Variants in DSC1 observed in about 807,000 individuals in gnomAD.
DSC1 encodes desmocollin 1.
In DSC1, 79 loss-of-function variants were observed where a neutral mutation model predicts 98.8. The ratio of observed to expected loss-of-function variants is 0.80; its 90% confidence interval spans 0.67 to 0.96. The LOEUF is 0.96. Ranked by LOEUF, DSC1 falls within the 50% of genes least tolerant of loss-of-function variation. The probability of loss-of-function intolerance (pLI) is 0.00; values close to 1 mark genes in which losing one functional copy is unlikely to be tolerated. For missense variants in DSC1, 1,115 were observed against 1,075.9 expected (o/e 1.04, Z -0.51); for synonymous variants, 405 against 372.1 (o/e 1.09, Z -1.02).
rs371108741 is a variant in DSC1, at chr18:31,143,735, G to A, written c.996C>T (p.Phe332=). ...MEVRDMGGQP[F]GLFNTGTITI... is the part of the protein sequence containing the mutation. The stretch of plus-strand genomic sequence containing the variant: ...TAATTGTTCCTGTATTAAATAAACC[G>A]AAAGGCTGACCACCCATGTCTCGCA... Residue 332 remains phenylalanine (F), a synonymous_variant, in exon 8 of 16, where the codon TTC becomes TTT. Coordinates refer to ENST00000257198, the MANE Select transcript of DSC1 (RefSeq NM_024421.2). The A allele has an allele frequency of 1.2e-5, 20 of 1,602,784 alleles. No homozygotes were observed. The highest frequency in any genetic ancestry group is 6.8e-5 in the East Asian group (3 of 44,378).
intron 14 of DSC1, 62 bp from the exon 15 acceptor site, chr18:31,131,904 AT>A (rs1055891349): frequency 4.8e-5 from 76 of 1,576,412 alleles, no homozygotes; most frequent in South Asian, 5.8e-5. Context: ...ATTCATTTTC[AT>A]TTTTTTTCAC....
intron 7 of DSC1, 109 bp downstream of exon 7, chr18:31,145,502 A>G: frequency 1.6e-6 from 2 of 1,245,688 alleles, no homozygotes; most frequent in Non-Finnish European, 2.3e-6. Flanking sequence ...CAGCCTACAG[A>G]AGCATGCTGA....
intron 14 of DSC1, 61 bp from the exon 15 acceptor site, chr18:31,131,903 C>T (rs1988501385): frequency 1.3e-6 from 2 of 1,576,830 alleles, no homozygotes; most frequent in Non-Finnish European, 1.7e-6. Flanking sequence ...AATTCATTTT[C>T]ATTTTTTTTC....
chr18:31,157,365 TTA>T lies in DSC1; in HGVS notation c.351+4_351+5del. ...GTGCTAGGCTGCTTAAGCCCTTGCC[TTA>T]TACCTTGTTTTCTCTTGCTGACAGT... is the stretch of plus-strand genomic sequence containing the variant. On this transcript the variant is annotated splice_donor_5th_base_variant and intron_variant, in intron 3 of 15. Transcript: ENST00000257198. The T allele has an allele frequency of 3.1e-6, 5 of 1,614,036 alleles. No homozygotes were observed. Among genetic ancestry groups the T allele is most frequent in the Non-Finnish European group, 4.2e-6 (5 of 1,179,912 alleles).
intron 11 of DSC1, among the ~76,000 whole-genome samples, chr18:31,138,825 G>A (rs1405192323): frequency 1.3e-5 from 2 of 151,794 alleles, no homozygotes; most frequent in African/African-American, 4.8e-5. Context: ...AAAAAGAGTG[G>A]AAACCTTCTT....
At chr18:31,139,324 A>G (rs1988679723) in intron 11 of DSC1, among the ~76,000 whole-genome samples, 1 of 152,142 alleles carries the variant, frequency 6.6e-6, no homozygotes, top group Non-Finnish European at 1.5e-5. Flanking sequence ...GCTCAGAACA[A>G]ACTTACTTTG....
intron 11 of DSC1, among the ~76,000 whole-genome samples, chr18:31,135,274 CTCT>C (rs1988586798): frequency 6.6e-6 from 1 of 152,092 alleles, no homozygotes; most frequent in South Asian, 2.1e-4. Context: ...TACTTTTCTC[CTCT>C]TCTTTGCCAG....
chr18:31,155,662 G>A (rs1598629722), intron 4 of DSC1, among the ~76,000 whole-genome samples: 1 of 152,100 alleles, frequency 6.6e-6, no homozygotes, highest in Non-Finnish European at 1.5e-5. Context: ...ATCTTACTTG[G>A]TAAGCAGAAA....
chr18:31,131,371 T>C, intron 15 of DSC1: 1 of 595,810 alleles, frequency 1.7e-6, no homozygotes, highest in Non-Finnish European at 2.9e-6. Flanking sequence ...CACATCTACA[T>C]ATGGCACTCC....
rs1395839303 is a variant in DSC1 at position 31,130,411 on chromosome 18, G to C, written c.*103C>G. Reference sequence around the variant, plus strand: ...AGTACCCTTACCTATACATGACAAAGTTTACCTCCATAAACAAAAACATTA... The same window carrying C: ...AGTACCCTTACCTATACATGACAAACTTTACCTCCATAAACAAAAACATTA... On this transcript the variant is annotated 3_prime_UTR_variant, in exon 16 of 16. Transcript: ENST00000257198. 1.5e-6 allele frequency: 2 copies of C among 1,327,628 alleles called. No homozygotes were observed. Among genetic ancestry groups the C allele is most frequent in the Non-Finnish European group, 2.1e-6 (2 of 947,226 alleles). The allele number at this position is 1,327,628 out of a possible 1,614,324, so 82.2% of individuals were successfully genotyped here. A position where few individuals can be genotyped will look rare whatever the true frequency, so the allele number is the denominator to read the frequency against.
chr18:31,156,888 C>A (rs1462940443), intron 3 of DSC1, among the ~76,000 whole-genome samples: 2 of 152,164 alleles, frequency 1.3e-5, no homozygotes, highest in Non-Finnish European at 2.9e-5. Flanking sequence ...GCCACACCTC[C>A]ACTCTCTGAA....
At chr18:31,139,468 G>A (rs59215597) in intron 11 of DSC1, among the ~76,000 whole-genome samples, 4,146 of 151,994 alleles carry the variant, frequency 0.027, 184 homozygotes, top group African/African-American at 0.095. Flanking sequence ...ATAATATATA[G>A]ATCATCTTTG....
chr18:31,141,865 T>G (rs1464371870), intron 9 of DSC1, 134 bp downstream of exon 9: 6 of 853,796 alleles, frequency 7.0e-6, no homozygotes, highest in African/African-American at 1.8e-5. Flanking sequence ...AACAACAAAG[T>G]TTATATAAAC....
At chr18:31,130,920 C>A in intron 15 of DSC1, 1 of 1,345,306 alleles carries the variant, frequency 7.4e-7, no homozygotes, top group South Asian at 1.4e-5. Flanking sequence ...TTCTAGTGAG[C>A]ACATTTAAAA....
At chr18:31,139,686 C>G in intron 11 of DSC1, 62 bp downstream of exon 11, 1 of 1,424,650 alleles carries the variant, frequency 7.0e-7, no homozygotes, top group Non-Finnish European at 9.4e-7. Context: ...CAGATTTCAC[C>G]ACAAGGTTTC....
intron 11 of DSC1, among the ~76,000 whole-genome samples, chr18:31,135,011 A>G (rs545937965): frequency 6.6e-6 from 1 of 152,176 alleles, no homozygotes; most frequent in African/African-American, 2.4e-5. Flanking sequence ...TCAAAACTAA[A>G]AGGTATGAGA....
chr18:31,162,044 T>C (rs1302311068), intron 1 of DSC1, among the ~76,000 whole-genome samples: 2 of 152,206 alleles, frequency 1.3e-5, no homozygotes, highest in African/African-American at 2.4e-5. Context: ...ATTTTTGTTA[T>C]TTTTCTTAAA....
intron 5 of DSC1, among the ~76,000 whole-genome samples, chr18:31,149,886 A>G (rs189398084): frequency 6.6e-6 from 1 of 152,246 alleles, no homozygotes; most frequent in Non-Finnish European, 1.5e-5. Context: ...TCCAGGTGGT[A>G]TTTTTCAGTA....
At chr18:31,147,996 C>A (rs1982161) in intron 6 of DSC1, among the ~76,000 whole-genome samples, 35,604 of 151,912 alleles carry the variant, frequency 0.23, 4,692 homozygotes, top group East Asian at 0.56. Flanking sequence ...AAAAAATAAC[C>A]TCTTACTTTG....
Sources: allele counts gnomAD v4.1 joint callset (sites outside exome capture counted in the v4.1 genomes callset), GRCh38; gene constraint gnomAD v4.1.1; transcripts MANE v1.5; gene names NCBI Gene and HGNC (gene_info 2026-07-23, HGNC 2026-07-21).